VWC2L: variants seen among roughly 807,000 people sequenced by gnomAD.
The protein encoded by VWC2L is von Willebrand factor C domain containing 2 like, also known as von Willebrand factor C domain-containing protein 2-like.
A neutral mutation model predicts 21.6 loss-of-function variants in VWC2L; 10 were observed. The observed-to-expected ratio is 0.46, with a 90% CI of 0.29 to 0.78. VWC2L has a LOEUF of 0.78. Among genes scored for constraint, VWC2L ranks in the 30% least tolerant of loss-of-function variants. The pLI is 0.10. For synonymous variants in VWC2L, 96 were observed against 94.3 expected, an observed-to-expected ratio of 1.02 and a Z score of -0.10; for missense variants, 209 against 277.1, an observed-to-expected ratio of 0.75 and a Z score of 1.74.
At chr2:214,536,083 C>T (rs190867835) in intron 3 of VWC2L, among the ~76,000 whole-genome samples, 39 of 152,120 alleles carry the variant, frequency 2.6e-4, no homozygotes, top group African/African-American at 9.4e-4. Context: ...CTGTGAGGAC[C>T]TGTTTTTGCT....
At chr2:214,422,057 T>G (rs1702451576) in intron 2 of VWC2L, among the ~76,000 whole-genome samples, 1 of 151,268 alleles carries the variant, frequency 6.6e-6, no homozygotes, top group African/African-American at 2.4e-5. Flanking sequence ...GCCCGGCTAA[T>G]TTTTGTATTT....
At chr2:214,484,327 T>C (rs911659476) in intron 3 of VWC2L, among the ~76,000 whole-genome samples, 2 of 152,154 alleles carry the variant, frequency 1.3e-5, no homozygotes, top group Non-Finnish European at 2.9e-5. Context: ...TCTGAATTCT[T>C]TCCCAAGATT....
chr2:214,426,810 A>G (rs1322640769), intron 2 of VWC2L, among the ~76,000 whole-genome samples: 1 of 152,228 alleles, frequency 6.6e-6, no homozygotes, highest in Non-Finnish European at 1.5e-5. Flanking sequence ...TATATTTCCT[A>G]TATTGTTGAA....
intron 3 of VWC2L, among the ~76,000 whole-genome samples, chr2:214,543,671 AAGAG>A (rs1689662534): frequency 6.6e-6 from 1 of 152,036 alleles, no homozygotes; most frequent in African/African-American, 2.4e-5. Flanking sequence ...AAAAAAGACT[AAGAG>A]AGGAAAATGA....
chr2:214,518,481 G>A (rs1320246806), intron 3 of VWC2L, among the ~76,000 whole-genome samples: 1 of 152,150 alleles, frequency 6.6e-6, no homozygotes, highest in Non-Finnish European at 1.5e-5. Flanking sequence ...CCTAAAGTTA[G>A]GGTTCAATTG....
intron 3 of VWC2L, among the ~76,000 whole-genome samples, chr2:214,460,401 A>C (rs574321617): frequency 6.6e-6 from 1 of 151,944 alleles, no homozygotes; most frequent in African/African-American, 2.4e-5. Context: ...AAATTTGACT[A>C]TCTGGTTGCT....
intron 2 of VWC2L, among the ~76,000 whole-genome samples, chr2:214,428,814 C>CAAAAAAAAAA (rs11431112): frequency 1.0e-5 from 1 of 98,340 alleles, no homozygotes; most frequent in Non-Finnish European, 2.1e-5. Context: ...CAGACAGTGG[C>CAAAAAAAAAA]AAAAAAAAAA....
rs796075742 is a variant in VWC2L, at chr2:214,489,394, G to C, written c.520+52636G>C. ...GATTGGAAGTGTGCCCCTAGAGGTA[G>C]AGAGACTCGTTAAAAAGCCACTGTG... On this transcript the variant is annotated intron_variant, in intron 3 of 3. Coordinates refer to ENST00000312504, the MANE Select transcript of VWC2L (RefSeq NM_001080500.4). Among the ~76,000 whole-genome samples the C allele has an allele frequency of 3.3e-5, 5 of 152,324 alleles. 1 individual carries two copies. The highest frequency in any genetic ancestry group is 1.2e-4 in the African/African-American group (5 of 41,582).
chr2:214,505,983 C>G (rs557860115), intron 3 of VWC2L, among the ~76,000 whole-genome samples: 22 of 152,174 alleles, frequency 1.4e-4, no homozygotes, highest in African/African-American at 4.6e-4. Flanking sequence ...AGATGATTCG[C>G]TTATTTTCAT....
intron 3 of VWC2L, among the ~76,000 whole-genome samples, chr2:214,560,739 C>T (rs1345200498): frequency 1.3e-5 from 2 of 152,272 alleles, no homozygotes; most frequent in East Asian, 3.9e-4. Flanking sequence ...GTCATTAAAG[C>T]ACCCAAAATG....
At chr2:214,536,136 G>A (rs1395978916) in intron 3 of VWC2L, among the ~76,000 whole-genome samples, 1 of 152,112 alleles carries the variant, frequency 6.6e-6, no homozygotes, top group Non-Finnish European at 1.5e-5. Context: ...ATGGCACATA[G>A]TAAATGCTCA....
chr2:214,412,411 A>G (rs1702291740), intron 1 of VWC2L, among the ~76,000 whole-genome samples: 1 of 152,100 alleles, frequency 6.6e-6, no homozygotes, highest in African/African-American at 2.4e-5. Flanking sequence ...AGTAAATTAT[A>G]TTTATGCTTT....
intron 3 of VWC2L, among the ~76,000 whole-genome samples, chr2:214,439,925 G>A (rs1702739310): frequency 6.6e-6 from 1 of 151,784 alleles, no homozygotes. Flanking sequence ...ATATTATAAA[G>A]TGCAGGGTAA....
chr2:214,570,261 T>C (rs1690131061), intron 3 of VWC2L, among the ~76,000 whole-genome samples: 1 of 152,216 alleles, frequency 6.6e-6, no homozygotes, highest in African/African-American at 2.4e-5. Flanking sequence ...TTGTTCTTCC[T>C]TGTAAGATTT....
intron 3 of VWC2L, among the ~76,000 whole-genome samples, chr2:214,447,758 T>A (rs1702861024): frequency 6.6e-6 from 1 of 152,102 alleles, no homozygotes; most frequent in African/African-American, 2.4e-5. Context: ...ACTCTAATGT[T>A]CAGATTCCTC....
At chr2:214,506,100 A>C in intron 3 of VWC2L, among the ~76,000 whole-genome samples, 1 of 152,204 alleles carries the variant, frequency 6.6e-6, no homozygotes, top group East Asian at 1.9e-4. Flanking sequence ...TTAATAAAGA[A>C]TTTGAAAGAT....
rs574287593 is a variant in VWC2L, at chr2:214,577,344, G to A, written c.*1524G>A. On this transcript the variant is annotated 3_prime_UTR_variant, in exon 4 of 4. Coordinates refer to ENST00000312504, the MANE Select transcript of VWC2L (RefSeq NM_001080500.4). The stretch of plus-strand genomic sequence containing the variant: ...GACATTTGGGGCCAGATCATTATTC[G>A]TTGGTGGGGGCTGTCCTGTGTGCTT... 35 of 152,336 alleles carry A rather than the reference G, an allele frequency of 2.3e-4. No individual in the cohort carries two copies. Among genetic ancestry groups the A allele is most frequent in the African/African-American group, 7.9e-4 (33 of 41,560 alleles). The allele number at this position is 152,336 out of a possible 1,614,324, so 9.4% of individuals were successfully genotyped here.
chr2:214,470,632 C>G (rs7564426), intron 3 of VWC2L, among the ~76,000 whole-genome samples: 125,311 of 152,032 alleles, frequency 0.82, 55,056 homozygotes, highest in East Asian at 0.99. Flanking sequence ...GGTGAGGCTA[C>G]GTGCAGTGGC....
intron 3 of VWC2L, among the ~76,000 whole-genome samples, chr2:214,574,994 C>T (rs1690206175): frequency 6.9e-6 from 1 of 145,714 alleles, no homozygotes; most frequent in Non-Finnish European, 1.5e-5. Context: ...AAATAAAATT[C>T]CTGCTGACTT....
Sources: allele counts gnomAD v4.1 joint callset (sites outside exome capture counted in the v4.1 genomes callset), GRCh38; gene constraint gnomAD v4.1.1; transcripts MANE v1.5; gene names NCBI Gene and HGNC (gene_info 2026-07-23, HGNC 2026-07-21).